The following GRID2 variants were observed in gnomAD, a reference collection of about 807,000 sequenced individuals.
GRID2 encodes glutamate receptor ionotropic, delta-2.
Under a neutral mutation model 114.8 loss-of-function variants are expected in GRID2, and 33 were observed. That is an observed-to-expected ratio of 0.29 (90% CI 0.22 to 0.38). The LOEUF (loss-of-function observed/expected upper bound fraction) is 0.38, where lower values mean the gene tolerates loss of function less well. GRID2 is among the 10% of genes least tolerant of loss of function. GRID2 has a pLI of 1.00. For missense variants in GRID2, 1,184 were observed against 1,257.7 expected (o/e 0.94, Z 0.89); for synonymous variants, 505 against 449.9 (o/e 1.12, Z -1.55).
At chr4:92,371,656 C>T (rs575628342) in intron 1 of GRID2, among the ~76,000 whole-genome samples, 4 of 152,224 alleles carry the variant, frequency 2.6e-5, no homozygotes, top group South Asian at 2.1e-4. Context: ...CATGACTTGA[C>T]GGCTCTGATG....
intron 1 of GRID2, among the ~76,000 whole-genome samples, chr4:92,386,491 A>C: frequency 6.6e-6 from 1 of 152,006 alleles, no homozygotes; most frequent in South Asian, 2.1e-4. Flanking sequence ...GGAAATAAAT[A>C]GTAATTAATT....
chr4:92,399,663 CTCTATATA>C (rs1295166419), intron 1 of GRID2, among the ~76,000 whole-genome samples: 38 of 131,772 alleles, frequency 2.9e-4, no homozygotes, highest in African/African-American at 8.8e-4. Context: ...CTCTCTCTCT[CTCTATATA>C]TATATATATA....
At chr4:92,591,792 A>T (rs1414565141) in intron 2 of GRID2, among the ~76,000 whole-genome samples, 1 of 152,122 alleles carries the variant, frequency 6.6e-6, no homozygotes, top group East Asian at 1.9e-4. Flanking sequence ...GTAAAAAATC[A>T]TTATTTTTTG....
chr4:92,778,831 A>G (rs1177924626), intron 2 of GRID2, among the ~76,000 whole-genome samples: 1 of 152,052 alleles, frequency 6.6e-6, no homozygotes, highest in East Asian at 1.9e-4. Context: ...TATCTTCAGT[A>G]TATCATGGAA....
At chr4:92,778,571 C>T (rs985774739) in intron 2 of GRID2, among the ~76,000 whole-genome samples, 7 of 151,940 alleles carry the variant, frequency 4.6e-5, no homozygotes, top group Non-Finnish European at 7.4e-5. Context: ...GAATTTTATT[C>T]AATCTTAATA....
intron 2 of GRID2, among the ~76,000 whole-genome samples, chr4:92,642,209 A>G (rs1731389027): frequency 6.6e-6 from 1 of 151,762 alleles, no homozygotes; most frequent in Non-Finnish European, 1.5e-5. Flanking sequence ...AAGTTCTTTG[A>G]GAAATCTCCA....
At chr4:93,102,358 T>C (rs544081534) in intron 3 of GRID2, among the ~76,000 whole-genome samples, 10 of 152,300 alleles carry the variant, frequency 6.6e-5, no homozygotes, top group African/African-American at 1.9e-4. Context: ...TAATAAGTAT[T>C]GACAAAATAT....
intron 1 of GRID2, among the ~76,000 whole-genome samples, chr4:92,461,899 C>T (rs185811661): frequency 2.7e-3 from 407 of 152,086 alleles, no homozygotes; most frequent in Middle Eastern, 0.024. Context: ...TCTACTGCAA[C>T]TTTCTGGGCT....
At chr4:93,603,371 A>G (rs528899815) in intron 13 of GRID2, among the ~76,000 whole-genome samples, 1 of 152,332 alleles carries the variant, frequency 6.6e-6, no homozygotes, top group South Asian at 2.1e-4. Flanking sequence ...TTTCAATTCT[A>G]TTCACCTCTA....
rs1391205253 is a variant in GRID2 at position 92,696,282 on chromosome 4, GCTTT to G, written c.244+105999_244+106002del. Among the ~76,000 whole-genome samples the G allele has an allele frequency of 2.0e-5, 3 of 152,176 alleles. No individual in the cohort carries two copies. The East Asian group carries it at 5.8e-4, about 29-fold the overall frequency. On this transcript the variant is annotated intron_variant, in intron 2 of 15. Coordinates refer to ENST00000282020, the MANE Select transcript of GRID2 (RefSeq NM_001510.4). ...TAATAAGACACAGAGCATTATTTGTGCTTTCTAATCTGTTCAGACTATTTTAAAT... is the reference window on the plus strand; with the variant it reads ...TAATAAGACACAGAGCATTATTTGTGCTAATCTGTTCAGACTATTTTAAAT...
chr4:93,141,602 A>T (rs1160924302), intron 4 of GRID2, among the ~76,000 whole-genome samples: 1 of 152,244 alleles, frequency 6.6e-6, no homozygotes, highest in Non-Finnish European at 1.5e-5. Context: ...GATTACAAAA[A>T]TTTATAACCA....
At chr4:93,126,584 CTTTTTT>C (rs60017147) in intron 4 of GRID2, among the ~76,000 whole-genome samples, 103 of 52,726 alleles carry the variant, frequency 2.0e-3, no homozygotes, top group African/African-American at 6.8e-3. Flanking sequence ...CTATTTAATT[CTTTTTT>C]TTTTTTTTTT....
chr4:93,735,510 T>C (rs1248543771), intron 14 of GRID2, among the ~76,000 whole-genome samples: 2 of 152,040 alleles, frequency 1.3e-5, no homozygotes, highest in African/African-American at 2.4e-5. Context: ...GCCTCCATAT[T>C]ATATAGAAAA....
intron 2 of GRID2, among the ~76,000 whole-genome samples, chr4:92,981,888 T>A (rs1189141893): frequency 3.3e-5 from 5 of 151,804 alleles, no homozygotes; most frequent in Non-Finnish European, 7.4e-5. Context: ...GATCAACAAC[T>A]GTAAATGATT....
chr4:93,229,218 A>G (rs1745840769), intron 7 of GRID2, among the ~76,000 whole-genome samples: 1 of 152,162 alleles, frequency 6.6e-6, no homozygotes, highest in South Asian at 2.1e-4. Context: ...ACCTATTTAG[A>G]TGTCAATGCT....
At chr4:93,008,493 T>C (rs1327514292) in intron 2 of GRID2, among the ~76,000 whole-genome samples, 1 of 152,154 alleles carries the variant, frequency 6.6e-6, no homozygotes, top group Non-Finnish European at 1.5e-5. Flanking sequence ...TCCTTTTCTT[T>C]TTCTTTTCAA....
chr4:92,500,124 G>GT (rs1270675356), intron 1 of GRID2, among the ~76,000 whole-genome samples: 1 of 151,858 alleles, frequency 6.6e-6, no homozygotes, highest in Non-Finnish European at 1.5e-5. Context: ...TTTTTTCTTT[G>GT]TAAGTCTCAG....
At chr4:93,531,817 C>G (rs753885113) in intron 13 of GRID2, among the ~76,000 whole-genome samples, 1 of 151,950 alleles carries the variant, frequency 6.6e-6, no homozygotes, top group African/African-American at 2.4e-5. Context: ...ATTGTATTAA[C>G]TCAGGAAGGT....
exon 2 of GRID2, chr4:93,808,345 CATT>C (rs1205951975): frequency 6.6e-6 from 1 of 152,202 alleles, no homozygotes; most frequent in Non-Finnish European, 1.5e-5. Context: ...AAAGTAAAAA[CATT>C]ATATACTGTA....
Sources: allele counts gnomAD v4.1 joint callset (sites outside exome capture counted in the v4.1 genomes callset), GRCh38; gene constraint gnomAD v4.1.1; transcripts MANE v1.5; gene names NCBI Gene and HGNC (gene_info 2026-07-23, HGNC 2026-07-21).